The following DDHD2 variants were observed in gnomAD, a reference collection of about 807,000 sequenced individuals.
DDHD2 encodes DDHD domain containing 2.
DDHD2 carries 62 observed loss-of-function variants against 91.2 expected under a neutral mutation model. That is an observed-to-expected ratio of 0.68 (90% CI 0.55 to 0.84). The LOEUF is 0.84. Among genes scored for constraint, DDHD2 ranks in the 40% least tolerant of loss-of-function variants. The pLI is 0.00. For synonymous variants in DDHD2, 271 were observed against 293.9 expected (o/e 0.92, Z 0.80); for missense variants, 740 against 846.9 (o/e 0.87, Z 1.57).
At chr8:38,252,849 A>G (rs1020855012) in intron 14 of DDHD2, 25 bp downstream of exon 14, 35 of 1,611,570 alleles carry the variant, frequency 2.2e-5, no homozygotes, top group Non-Finnish European at 3.0e-5. Context: ...AGAACTTGAT[A>G]ATTCTAGACC....
chr8:38,273,046 T>C (rs1808521953), downstream of DDHD2: 1 of 152,336 alleles, frequency 6.6e-6, no homozygotes, highest in African/African-American at 2.4e-5. Flanking sequence ...CCTTTTTTTT[T>C]TGAGATGGAG....
downstream of DDHD2, chr8:38,267,048 A>G: frequency 2.8e-6 from 4 of 1,418,630 alleles, no homozygotes; most frequent in Non-Finnish European, 3.7e-6. Flanking sequence ...TAACAATTAA[A>G]TGTGCAAATC....
chr8:38,234,622 C>A (rs1804560671), intron 3 of DDHD2, 38 bp downstream of exon 3: 1 of 1,478,110 alleles, frequency 6.8e-7, no homozygotes, highest in Admixed American at 2.4e-5. Context: ...TTCTTTCTTT[C>A]TCTTATTTAA....
chr8:38,272,502 C>A (rs958118960), downstream of DDHD2: 1 of 152,312 alleles, frequency 6.6e-6, no homozygotes, highest in South Asian at 2.1e-4. Context: ...TCTGATTCTT[C>A]CCTCGCAGCA....
downstream of DDHD2, chr8:38,264,155 T>G (rs1056624548): frequency 2.7e-4 from 283 of 1,039,966 alleles, no homozygotes; most frequent in Middle Eastern, 4.5e-4. Flanking sequence ...GATTCAATTT[T>G]TTTTTTTTTT....
At chr8:38,269,486 G>A (rs936849035) in intron 1 of DDHD2, among the ~76,000 whole-genome samples, 4 of 152,226 alleles carry the variant, frequency 2.6e-5, no homozygotes, top group Non-Finnish European at 5.9e-5. Flanking sequence ...CCACACCACC[G>A]CGGGGAGCAG....
Position 38,240,300 on chromosome 8 carries a change from G to T in DDHD2, c.648G>T (p.Leu216Phe). 1 of 1,607,884 alleles carries T rather than the reference G, an allele frequency of 6.2e-7. No homozygotes were observed. The highest frequency in any genetic ancestry group is 1.1e-5 in the South Asian group (1 of 90,486). The stretch of plus-strand genomic sequence containing the variant: ...GAGAACCTTTACAAATAGATCACTT[G>T]GTTTTTGTAGTCCATGGGATTGGAC... ...HCGEPLQIDH[L>F]VFVVHGIGPA... The change falls in exon 6 of 18, where the codon TTG becomes TTT. Residue 216 changes from leucine (L) to phenylalanine (F), a missense_variant. Leu to Phe is a conservative substitution (Grantham distance 22). Transcript: ENST00000397166.
intron 6 of DDHD2, among the ~76,000 whole-genome samples, chr8:38,240,988 T>A (rs1563302359): frequency 1.3e-5 from 2 of 151,280 alleles, no homozygotes; most frequent in Non-Finnish European, 2.9e-5. Flanking sequence ...AGAGAATCAC[T>A]TAAACTCGGA....
chr8:38,238,456 A>G (rs1563300387), intron 5 of DDHD2: 1 of 1,211,744 alleles, frequency 8.3e-7, no homozygotes, highest in East Asian at 5.2e-5. Context: ...CACTAAGTAC[A>G]GATGAACTGA....
At chr8:38,264,447 A>G, downstream of DDHD2, 2 of 1,546,440 alleles carry the variant, frequency 1.3e-6, no homozygotes, top group Non-Finnish European at 1.7e-6. Flanking sequence ...TCAATTTTTA[A>G]ATATCAAAAC....
At chr8:38,272,967 A>G (rs1019482518), downstream of DDHD2, 4 of 152,228 alleles carry the variant, frequency 2.6e-5, no homozygotes, top group Admixed American at 2.0e-4. Context: ...CCTTGGCACC[A>G]GCATGACTAA....
chr8:38,253,782 T>A, intron 16 of DDHD2, 64 bp downstream of exon 16: 1 of 1,534,802 alleles, frequency 6.5e-7, no homozygotes, highest in Non-Finnish European at 8.9e-7. Flanking sequence ...TTGATAGATG[T>A]AGAAAAAGGA....
downstream of DDHD2, chr8:38,267,039 A>T: frequency 7.1e-7 from 1 of 1,412,046 alleles, no homozygotes; most frequent in Non-Finnish European, 9.2e-7. Context: ...CAAATAATAT[A>T]ACAATTAAAT....
intron 10 of DDHD2, among the ~76,000 whole-genome samples, chr8:38,248,376 T>G (rs1476728570): frequency 2.0e-5 from 3 of 151,966 alleles, no homozygotes; most frequent in South Asian, 2.1e-4. Context: ...ATTTGTTTTT[T>G]TTTTTTTTTT....
downstream of DDHD2, chr8:38,266,030 T>A: frequency 1.1e-6 from 1 of 948,556 alleles, no homozygotes; most frequent in Non-Finnish European, 1.6e-6. Context: ...CCATCCATAC[T>A]CATTAATTTG....
At chr8:38,265,749 T>TA (rs1264611320), downstream of DDHD2, 1 of 156,004 alleles carries the variant, frequency 6.4e-6, no homozygotes, top group Non-Finnish European at 1.4e-5. Context: ...ATATTTTACT[T>TA]ACTATAGCAT....
downstream of DDHD2, chr8:38,267,763 A>C (rs532401414): frequency 7.3e-6 from 7 of 957,362 alleles, no homozygotes; most frequent in African/African-American, 9.7e-5. Context: ...TAAGCGTTGA[A>C]TGACAAAAGA....
downstream of DDHD2, chr8:38,265,481 T>G (rs758849368): frequency 2.6e-5 from 4 of 151,830 alleles, no homozygotes; most frequent in African/African-American, 7.3e-5. Context: ...TTAGTAGAGA[T>G]AGCGTTTCAC....
chr8:38,233,544 A>G (rs1804459816), intron 2 of DDHD2, among the ~76,000 whole-genome samples: 1 of 151,864 alleles, frequency 6.6e-6, no homozygotes, highest in Non-Finnish European at 1.5e-5. Context: ...TGGGCCTCCC[A>G]AAGTGCTGGG....
Sources: allele counts gnomAD v4.1 joint callset (sites outside exome capture counted in the v4.1 genomes callset), GRCh38; gene constraint gnomAD v4.1.1; transcripts MANE v1.5; gene names NCBI Gene and HGNC (gene_info 2026-07-23, HGNC 2026-07-21).